Variants in SPTLC3 observed in about 807,000 individuals in gnomAD.
SPTLC3 encodes serine palmitoyltransferase 3.
A neutral mutation model predicts 59.3 loss-of-function variants in SPTLC3; 36 were observed. That is an observed-to-expected ratio of 0.61 (90% CI 0.47 to 0.80). The LOEUF (loss-of-function observed/expected upper bound fraction) is 0.80. SPTLC3 is among the 30% of genes least tolerant of loss of function. SPTLC3 has a pLI of 0.00. For missense variants in SPTLC3, 625 were observed against 685.1 expected (o/e 0.91, Z 0.98); for synonymous variants, 257 against 240.8 (o/e 1.07, Z -0.62).
At chr20:13,112,943 GA>G (rs754397093) in intron 7 of SPTLC3, among the ~76,000 whole-genome samples, 15 of 152,282 alleles carry the variant, frequency 9.9e-5, no homozygotes, top group Non-Finnish European at 1.9e-4. Context: ...ATCACTTCGG[GA>G]GACCAAGGCA....
chr20:13,092,165 G>A (rs1166325638), intron 5 of SPTLC3, among the ~76,000 whole-genome samples: 3 of 152,182 alleles, frequency 2.0e-5, no homozygotes, highest in East Asian at 1.9e-4. Flanking sequence ...TTTAGGACAC[G>A]AAGAGGGAAC....
chr20:13,077,849 A>G (rs1988700436), intron 4 of SPTLC3, among the ~76,000 whole-genome samples: 1 of 151,568 alleles, frequency 6.6e-6, no homozygotes, highest in Non-Finnish European at 1.5e-5. Context: ...TGGTGTAATC[A>G]CAGCTCACTG....
At chr20:13,124,048 G>A (rs1034845772) in intron 8 of SPTLC3, among the ~76,000 whole-genome samples, 1 of 152,172 alleles carries the variant, frequency 6.6e-6, no homozygotes, top group Non-Finnish European at 1.5e-5. Context: ...TGAACTTTCC[G>A]GATACCCTGT....
intron 1 of SPTLC3, among the ~76,000 whole-genome samples, chr20:13,035,943 C>T (rs1002238326): frequency 1.3e-5 from 2 of 152,128 alleles, no homozygotes; most frequent in Admixed American, 1.3e-4. Context: ...TAGAACTGTA[C>T]TCTCATCATT....
chr20:13,050,137 G>C (rs557377187), intron 2 of SPTLC3: 1 of 152,288 alleles, frequency 6.6e-6, no homozygotes, highest in African/African-American at 2.4e-5. Context: ...GCTAATCAGG[G>C]AGAGGCCAGA....
Position 13,169,035 on chromosome 20 carries a change from C to T in SPTLC3, c.*4168C>T, listed in dbSNP as rs367797847. On this transcript the variant is annotated 3_prime_UTR_variant, in exon 12 of 12. Coordinates refer to ENST00000399002, the MANE Select transcript of SPTLC3 (RefSeq NM_018327.4). ...GTATGTTTCACTGAAACATTTGAAA[C>T]GACCAATTTCACTTTATTGTGCCTG... 4 of 151,668 alleles carry T rather than the reference C, an allele frequency of 2.6e-5. No homozygotes were observed. Among genetic ancestry groups the T allele is most frequent in the East Asian group, 3.9e-4 (2 of 5,170 alleles). The allele number at this position is 151,668 out of a possible 1,614,324, so 9.4% of individuals were successfully genotyped here. A position where few individuals can be genotyped will look rare whatever the true frequency, so the allele number is the denominator to read the frequency against.
intron 6 of SPTLC3, among the ~76,000 whole-genome samples, chr20:13,108,289 C>T (rs80075077): frequency 2.7e-3 from 409 of 152,334 alleles, no homozygotes; most frequent in Non-Finnish European, 4.9e-3. Context: ...ATATTCACAA[C>T]TCTATTTCAA....
At chr20:13,077,170 T>C (rs971679863) in intron 4 of SPTLC3, among the ~76,000 whole-genome samples, 2 of 151,940 alleles carry the variant, frequency 1.3e-5, no homozygotes, top group Non-Finnish European at 2.9e-5. Context: ...TCTCCCACAG[T>C]TGACAACCAT....
At chr20:13,087,811 A>T (rs1989052781) in intron 4 of SPTLC3, among the ~76,000 whole-genome samples, 1 of 152,220 alleles carries the variant, frequency 6.6e-6, no homozygotes, top group African/African-American at 2.4e-5. Context: ...GTTCAACTTA[A>T]TAAGTGCTAT....
chr20:13,059,146 TA>T, intron 2 of SPTLC3, among the ~76,000 whole-genome samples: 1 of 152,204 alleles, frequency 6.6e-6, no homozygotes, highest in Admixed American at 6.5e-5. Context: ...GTTGTTTACA[TA>T]TCTCCCCTTT....
At chr20:13,104,918 C>A (rs1216755664) in intron 6 of SPTLC3, among the ~76,000 whole-genome samples, 2 of 151,610 alleles carry the variant, frequency 1.3e-5, no homozygotes, top group Non-Finnish European at 2.9e-5. Flanking sequence ...CTGCAAAAAA[C>A]AAAAACCTAA....
chr20:13,096,287 G>C (rs1989408901), intron 6 of SPTLC3, among the ~76,000 whole-genome samples: 1 of 152,054 alleles, frequency 6.6e-6, no homozygotes, highest in African/African-American at 2.4e-5. Context: ...ATTTACCCAA[G>C]AGGAATGAAA....
intron 9 of SPTLC3, among the ~76,000 whole-genome samples, chr20:13,127,710 C>T (rs1318190044): frequency 6.6e-6 from 1 of 152,132 alleles, no homozygotes; most frequent in Non-Finnish European, 1.5e-5. Context: ...CCTAGTGCTC[C>T]CCAAGACACT....
chr20:13,072,722 GA>G (rs1262622549), intron 3 of SPTLC3, among the ~76,000 whole-genome samples: 1 of 152,190 alleles, frequency 6.6e-6, no homozygotes, highest in Non-Finnish European at 1.5e-5. Flanking sequence ...ACAGCTGAAT[GA>G]GACAGTGATG....
intron 3 of SPTLC3, chr20:13,073,898 G>C (rs1043158234): frequency 3.6e-6 from 2 of 552,888 alleles, no homozygotes; most frequent in African/African-American, 3.8e-5. Flanking sequence ...CCTGTTTGTT[G>C]GTTCCCAGAG....
intron 1 of SPTLC3, among the ~76,000 whole-genome samples, chr20:13,035,168 T>C (rs1202706728): frequency 1.3e-5 from 2 of 152,188 alleles, no homozygotes; most frequent in East Asian, 1.9e-4. Flanking sequence ...TCTGTGGACA[T>C]TTCCTGTCTT....
At chr20:13,159,937 G>A (rs2038858955) in intron 10 of SPTLC3, 66 bp from the exon 11 acceptor site, 1 of 1,438,472 alleles carries the variant, frequency 7.0e-7, no homozygotes, top group African/African-American at 1.4e-5. Flanking sequence ...TTCCTTTTTT[G>A]TCAGGATAAT....
chr20:13,110,066 GTA>G, intron 6 of SPTLC3, 44 bp from the exon 7 acceptor site: 1 of 1,505,650 alleles, frequency 6.6e-7, no homozygotes, highest in Non-Finnish European at 9.0e-7. Context: ...AAAAGGAAAA[GTA>G]AACCCTTTCA....
At chr20:13,110,721 A>G (rs1421176986) in intron 7 of SPTLC3, among the ~76,000 whole-genome samples, 1 of 152,082 alleles carries the variant, frequency 6.6e-6, no homozygotes, top group Non-Finnish European at 1.5e-5. Context: ...CCTGGGGTGC[A>G]ATTCTTGTTC....
Sources: allele counts gnomAD v4.1 joint callset (sites outside exome capture counted in the v4.1 genomes callset), GRCh38; gene constraint gnomAD v4.1.1; transcripts MANE v1.5; gene names NCBI Gene and HGNC (gene_info 2026-07-23, HGNC 2026-07-21).